LYPD6B: variants seen among roughly 807,000 people sequenced by gnomAD.
The protein encoded by LYPD6B is ly6/PLAUR domain-containing protein 6B.
LYPD6B carries 17 observed loss-of-function variants against 22.8 expected under a neutral mutation model. The observed-to-expected ratio is 0.75, with a 90% CI of 0.51 to 1.12. LYPD6B has a LOEUF of 1.12. Ranked by LOEUF, LYPD6B falls within the 50% of genes most tolerant of loss-of-function variation. The pLI is 0.00. For synonymous variants in LYPD6B, 106 were observed against 91.6 expected, an observed-to-expected ratio of 1.16 and a Z score of -0.90; for missense variants, 221 against 258.3, an observed-to-expected ratio of 0.86 and a Z score of 0.99.
chr2:149,146,185 C>A (rs1018817433), intron 2 of LYPD6B, among the ~76,000 whole-genome samples: 7 of 152,184 alleles, frequency 4.6e-5, no homozygotes, highest in African/African-American at 1.7e-4. Flanking sequence ...TATACAAGCA[C>A]GTGCAAAATT....
chr2:149,168,733 G>T (rs1012971560), intron 3 of LYPD6B, among the ~76,000 whole-genome samples: 1 of 152,218 alleles, frequency 6.6e-6, no homozygotes, highest in Non-Finnish European at 1.5e-5. Context: ...GACAATGAAT[G>T]AATGTGTTTG....
At chr2:149,214,364 C>T (rs556470228) in intron 6 of LYPD6B, among the ~76,000 whole-genome samples, 182 bp from the exon 7 acceptor site, 1 of 152,180 alleles carries the variant, frequency 6.6e-6, no homozygotes, top group South Asian at 2.1e-4. Context: ...TTTTTCCCTT[C>T]CATTCTATTG....
At position 149,123,052 on chromosome 2, in the gene LYPD6B, C is replaced by A. The variant is rs181880701; in HGVS notation, c.-66-7831C>A. On this transcript the variant is annotated intron_variant, in intron 1 of 6. Coordinates refer to ENST00000409642, the MANE Select transcript of LYPD6B (RefSeq NM_177964.5). ...ACTGTTTACATTCAAAGAGCAAATG[C>A]CCACACAGAAGGCTGATGAAGAAAG... Among the ~76,000 whole-genome samples the A allele has an allele frequency of 1.2e-4, 18 of 152,228 alleles. No homozygotes were observed. The East Asian group carries it at 3.3e-3, about 28-fold the overall frequency.
intron 3 of LYPD6B, among the ~76,000 whole-genome samples, chr2:149,163,480 G>A (rs970225114): frequency 2.6e-5 from 4 of 152,136 alleles, no homozygotes; most frequent in Non-Finnish European, 5.9e-5. Context: ...AAAGGCTACC[G>A]GGCTTGTGTA....
At chr2:149,197,284 C>G (rs1419388387) in intron 3 of LYPD6B, among the ~76,000 whole-genome samples, 2 of 152,112 alleles carry the variant, frequency 1.3e-5, no homozygotes, top group Non-Finnish European at 2.9e-5. Flanking sequence ...GAGACCGAGG[C>G]GGGCAGATCA....
intron 3 of LYPD6B, among the ~76,000 whole-genome samples, chr2:149,174,321 A>G (rs1032907898): frequency 6.6e-6 from 1 of 152,212 alleles, no homozygotes; most frequent in Non-Finnish European, 1.5e-5. Flanking sequence ...GGATTGTGTC[A>G]TCTGCCAACA....
At chr2:149,059,438 T>C (rs1683966449) in intron 1 of LYPD6B, among the ~76,000 whole-genome samples, 1 of 152,220 alleles carries the variant, frequency 6.6e-6, no homozygotes, top group Non-Finnish European at 1.5e-5. Context: ...GTTGAACACA[T>C]CAGCCTTGGC....
intron 3 of LYPD6B, among the ~76,000 whole-genome samples, chr2:149,201,982 C>T (rs1220730855): frequency 6.6e-6 from 1 of 152,110 alleles, no homozygotes; most frequent in Non-Finnish European, 1.5e-5. Flanking sequence ...CACTAGGGTT[C>T]CTACAGTGCT....
intron 3 of LYPD6B, among the ~76,000 whole-genome samples, chr2:149,167,167 C>A (rs539380327): frequency 1.3e-4 from 20 of 151,996 alleles, no homozygotes; most frequent in African/African-American, 4.6e-4. Context: ...TCTCTGCAGT[C>A]GAGATTGGGC....
intron 1 of LYPD6B, among the ~76,000 whole-genome samples, chr2:149,050,142 G>A (rs1683484720): frequency 6.6e-6 from 1 of 152,102 alleles, no homozygotes; most frequent in Admixed American, 6.6e-5. Flanking sequence ...GTCATGGTGA[G>A]TGAGGTTCAG....
At chr2:149,127,158 A>G (rs1575019779) in intron 1 of LYPD6B, among the ~76,000 whole-genome samples, 1 of 151,798 alleles carries the variant, frequency 6.6e-6, no homozygotes, top group East Asian at 1.9e-4. Flanking sequence ...TATTTTATAT[A>G]TAGTAATATT....
At chr2:149,110,436 T>C (rs1444159863) in intron 1 of LYPD6B, among the ~76,000 whole-genome samples, 5 of 152,206 alleles carry the variant, frequency 3.3e-5, no homozygotes, top group Non-Finnish European at 1.5e-5. Context: ...TGCATTCCTG[T>C]AAATATTCTT....
At chr2:149,194,888 G>T (rs1692712282) in intron 3 of LYPD6B, among the ~76,000 whole-genome samples, 1 of 152,214 alleles carries the variant, frequency 6.6e-6, no homozygotes, top group Non-Finnish European at 1.5e-5. Flanking sequence ...AAGGTGGTGT[G>T]ATTGTAGTGT....
intron 1 of LYPD6B, among the ~76,000 whole-genome samples, chr2:149,081,934 G>A (rs1685154688): frequency 2.0e-5 from 3 of 152,192 alleles, no homozygotes; most frequent in Non-Finnish European, 2.9e-5. Context: ...ATGGTTGTAT[G>A]GTATTCCAGT....
rs75139489 is a variant in LYPD6B, at chr2:149,164,064, C to T, written c.77+3229C>T. On this transcript the variant is annotated intron_variant, in intron 3 of 6. Coordinates refer to ENST00000409642, the MANE Select transcript of LYPD6B (RefSeq NM_177964.5). ...CCCTCAGAAGAATAGATCGGAGATA[C>T]GGTAGTTTGTGACAGAGTTTGTCTG... Among the ~76,000 whole-genome samples, 1,096 of 151,938 alleles carry T rather than the reference C, an allele frequency of 7.2e-3. 13 individuals are homozygous for T. Among genetic ancestry groups the T allele is most frequent in the African/African-American group, 0.024 (1,003 of 41,454 alleles).
intron 3 of LYPD6B, among the ~76,000 whole-genome samples, chr2:149,175,061 C>CTCTCTCTGTG (rs1454802925): frequency 0.11 from 12,553 of 111,540 alleles, 1,100 homozygotes; most frequent in South Asian, 0.16. Context: ...CTCTCTCTCT[C>CTCTCTCTGTG]TGTGTGTGTG....
chr2:149,165,101 A>G (rs1690336859), intron 3 of LYPD6B, among the ~76,000 whole-genome samples: 2 of 152,142 alleles, frequency 1.3e-5, no homozygotes, highest in Admixed American at 6.6e-5. Flanking sequence ...AGGGGATCTC[A>G]GCTGAGATGA....
intron 2 of LYPD6B, among the ~76,000 whole-genome samples, chr2:149,133,036 G>A (rs1265979122): frequency 6.6e-6 from 1 of 152,156 alleles, no homozygotes; most frequent in South Asian, 2.1e-4. Flanking sequence ...GTGGCCCACA[G>A]CCTCTCATTT....
At chr2:149,160,376 T>G (rs1689978097) in intron 2 of LYPD6B, 2 of 456,318 alleles carry the variant, frequency 4.4e-6, no homozygotes, top group Admixed American at 2.4e-5. Flanking sequence ...ATGTGTTGAA[T>G]GTGTGAATGC....
Sources: gnomAD v4.1 joint callset for allele counts (sites outside exome capture counted in the v4.1 genomes callset) on GRCh38, gnomAD v4.1.1 for gene constraint, MANE v1.5 for transcripts, NCBI Gene and HGNC (gene_info 2026-07-23, HGNC 2026-07-21) for gene names.